Variants in MYH9 observed in about 807,000 individuals in gnomAD.
MYH9 encodes the protein myosin heavy chain 9, also known as myosin-9.
A neutral mutation model predicts 241.9 loss-of-function variants in MYH9; 29 were observed. That is an observed-to-expected ratio of 0.12 (90% CI 0.09 to 0.16). The LOEUF (loss-of-function observed/expected upper bound fraction) is 0.16. Among genes scored for constraint, MYH9 ranks in the 10% least tolerant of loss-of-function variants. MYH9 has a pLI of 1.00. For missense variants in MYH9, 1,803 were observed against 2,595.5 expected, an observed-to-expected ratio of 0.69 and a Z score of 6.63; for synonymous variants, 1,047 against 1,062.6, an observed-to-expected ratio of 0.99 and a Z score of 0.29.
Position 36,329,317 on chromosome 22 carries a change from T to C in MYH9, c.491-1829A>G, listed in dbSNP as rs2017385876. 6.6e-6 allele frequency among the ~76,000 whole-genome samples: 1 copy of C among 152,124 alleles called. No individual in the cohort carries two copies. Among genetic ancestry groups the C allele is most frequent in the Admixed American group, 6.6e-5 (1 of 15,262 alleles). Reference sequence around the variant, plus strand: ...AAGCCTGCACAGCGAGGACAGAGATTAGAGACCTGCATCCTCGACTAGACA... The same window carrying C: ...AAGCCTGCACAGCGAGGACAGAGATCAGAGACCTGCATCCTCGACTAGACA... On this transcript the variant is annotated intron_variant, in intron 3 of 40. Transcript: ENST00000216181. The surrounding 1 kb of genome is among the most constrained non-coding windows in gnomAD (Gnocchi z 4.1).
chr22:36,319,396 T>C (rs537505794), intron 10 of MYH9, 144 bp downstream of exon 10: 1 of 794,290 alleles, frequency 1.3e-6, no homozygotes, highest in Non-Finnish European at 2.2e-6. Flanking sequence ...TGTTTACGTG[T>C]GTTTTACATC....
At chr22:36,366,829 A>C (rs1179498369) in intron 1 of MYH9, among the ~76,000 whole-genome samples, 1 of 152,168 alleles carries the variant, frequency 6.6e-6, no homozygotes, top group African/African-American at 2.4e-5. Flanking sequence ...TACAGTGATG[A>C]GCCCCAGGAA....
At chr22:36,297,061 G>T in intron 24 of MYH9, 47 bp from the exon 25 acceptor site, 1 of 1,598,286 alleles carries the variant, frequency 6.3e-7, no homozygotes. Context: ...CATGGGTTCT[G>T]TCTCCGTGTC....
At chr22:36,364,008 A>G (rs2017973264) in intron 1 of MYH9, among the ~76,000 whole-genome samples, 2 of 152,254 alleles carry the variant, frequency 1.3e-5, no homozygotes, top group Non-Finnish European at 2.9e-5. Context: ...AACCCAATGC[A>G]GAAAAATAAC....
intron 1 of MYH9, among the ~76,000 whole-genome samples, chr22:36,358,225 C>T (rs1432308276): frequency 2.6e-5 from 4 of 152,174 alleles, no homozygotes; most frequent in South Asian, 2.1e-4. Flanking sequence ...CCGCCACACC[C>T]GGCTAATTTT....
intron 3 of MYH9, 116 bp downstream of exon 3, chr22:36,341,253 GC>G: frequency 7.6e-7 from 1 of 1,313,938 alleles, no homozygotes; most frequent in Non-Finnish European, 1.1e-6. Flanking sequence ...ATGATGCACT[GC>G]CCATCACCAG....
intron 14 of MYH9, among the ~76,000 whole-genome samples, chr22:36,310,601 G>A (rs953898880): frequency 3.3e-5 from 5 of 152,206 alleles, no homozygotes; most frequent in East Asian, 3.9e-4. Context: ...GCATGCAGGC[G>A]AATGCATGTT....
At chr22:36,346,062 G>A (rs1244368549) in intron 2 of MYH9, among the ~76,000 whole-genome samples, 3 of 151,344 alleles carry the variant, frequency 2.0e-5, no homozygotes, top group Admixed American at 1.3e-4. Context: ...CAGGAGAATC[G>A]CTTGAACCCG....
intron 1 of MYH9, among the ~76,000 whole-genome samples, chr22:36,353,884 C>CT (rs1211106644): frequency 6.6e-6 from 1 of 152,010 alleles, no homozygotes; most frequent in African/African-American, 2.4e-5. Context: ...GACTATTTTC[C>CT]TGTAGGGCTA....
chr22:36,339,359 C>G (rs1016714570), intron 3 of MYH9, among the ~76,000 whole-genome samples: 8 of 152,164 alleles, frequency 5.3e-5, no homozygotes, highest in African/African-American at 1.9e-4. Context: ...GAGCTGGGAG[C>G]AAACTGACTC....
rs5995281 is a variant in MYH9, at chr22:36,319,792, G to A, written c.1013-157C>T. On this transcript the variant is annotated intron_variant, in intron 9 of 40. Coordinates refer to ENST00000216181, the MANE Select transcript of MYH9 (RefSeq NM_002473.6). ...CAGGGGCGCCAGGTCTGCGTCTAAC[G>A]GTGTGCGGTGGGCCCAGCCACCCTA... 7,219 of 767,930 alleles carry A rather than the reference G, an allele frequency of 9.4e-3. 351 individuals are homozygous for A. The African/African-American group carries it at 0.11, about 12-fold the overall frequency. The allele number at this position is 767,930 out of a possible 1,614,324, so 47.6% of individuals were successfully genotyped here.
At position 36,384,228 on chromosome 22, in the gene MYH9, G is replaced by A. The variant is rs138002839; in HGVS notation, c.-20+3579C>T. Among the ~76,000 whole-genome samples, 96 of 151,764 alleles carry A rather than the reference G, an allele frequency of 6.3e-4. 1 individual carries two copies. The highest frequency in any genetic ancestry group is 7.4e-5 in the Non-Finnish European group (5 of 67,932). On this transcript the variant is annotated intron_variant, in intron 1 of 40. Coordinates refer to ENST00000216181, the MANE Select transcript of MYH9 (RefSeq NM_002473.6). ...AGAGGTTGCAGTGAGCTGAGATTGT[G>A]CCACTGCACTCTAGCCTGGGCGAGA...
chr22:36,292,121 C>T lies in MYH9; in HGVS notation c.4209G>A (p.Glu1403=). The T allele has an allele frequency of 1.9e-6, 3 of 1,614,200 alleles. No individual in the cohort carries two copies. Among genetic ancestry groups the T allele is most frequent in the Non-Finnish European group, 2.5e-6 (3 of 1,180,046 alleles). ...DLEGLSQRHE[E]KVAAYDKLEK... is the part of the protein sequence containing the mutation. ...CCAGCTTGTCGTAGGCGGCCACCTT[C>T]TCCTCGTGCCGCTGGCTCAGGCCCT... Residue 1403 remains glutamate, a synonymous_variant, in exon 31 of 41, where the codon GAG becomes GAA. Coordinates refer to ENST00000216181, the MANE Select transcript of MYH9 (RefSeq NM_002473.6).
intron 1 of MYH9, among the ~76,000 whole-genome samples, chr22:36,361,865 T>A (rs1407345622): frequency 6.6e-6 from 1 of 151,240 alleles, no homozygotes; most frequent in Non-Finnish European, 1.5e-5. Flanking sequence ...AGGTCAGGAG[T>A]TCAAGACCAG....
intron 1 of MYH9, among the ~76,000 whole-genome samples, chr22:36,357,749 T>C (rs1484506574): frequency 2.0e-5 from 3 of 152,144 alleles, no homozygotes; most frequent in Admixed American, 2.0e-4. Context: ...CAGGACCCCA[T>C]AAAAATGGCC....
At chr22:36,313,906 C>T (rs1326251621) in intron 13 of MYH9, among the ~76,000 whole-genome samples, 2 of 152,192 alleles carry the variant, frequency 1.3e-5, no homozygotes, top group African/African-American at 2.4e-5. Flanking sequence ...GCACCTGGTC[C>T]GGCAGCTGGG....
Position 36,293,383 on chromosome 22 carries a change from C to T in MYH9, c.4041G>A (p.Glu1347=). 6.2e-7 allele frequency: 1 copy of T among 1,614,080 alleles called. No homozygotes were observed. The highest frequency in any genetic ancestry group is 8.5e-7 in the Non-Finnish European group (1 of 1,180,032). Residue 1347 remains glutamate (E), a synonymous_variant, in exon 30 of 41, where the codon GAG becomes GAA. Transcript: ENST00000216181. This position sits in a 1 kb window ranked among gnomAD's most constrained non-coding sequence, Gnocchi z 5.1. ...EKNSFREQLE[E]EEEAKHNLEK... ...CCAGGTTGTGCTTGGCCTCCTCCTC[C>T]TCCTCCAGCTGCTCCCGGAAGGAAT...
chr22:36,289,822 T>C (rs555727676), intron 31 of MYH9, among the ~76,000 whole-genome samples: 1 of 152,276 alleles, frequency 6.6e-6, no homozygotes, highest in Admixed American at 6.5e-5. Context: ...AATTATCCCA[T>C]GGGTTGCTGA....
chr22:36,320,404 G>A lies in MYH9; in HGVS notation c.869-41C>T, dbSNP rs1401665186. On this transcript the variant is annotated intron_variant, in intron 8 of 40. Transcript: ENST00000216181. The surrounding 1 kb of genome is among the most constrained non-coding windows in gnomAD (Gnocchi z 4.8). ...GGCAAGGGCGCCTCAGCGAGGTGCT[G>A]AAAGTGGAGGCTCCATCAGCGCTGT... 2 of 1,607,432 alleles carry A rather than the reference G, an allele frequency of 1.2e-6. No homozygotes were observed. The highest frequency in any genetic ancestry group is 3.3e-5 in the Admixed American group (2 of 60,032).
Sources: gnomAD v4.1 joint callset for allele counts (sites outside exome capture counted in the v4.1 genomes callset) on GRCh38, gnomAD v4.1.1 for gene constraint, Gnocchi (gnomAD v3.1) non-coding constraint, MANE v1.5 for transcripts, NCBI Gene and HGNC (gene_info 2026-07-23, HGNC 2026-07-21) for gene names.